The following GRM1 variants were observed in gnomAD, a reference collection of about 807,000 sequenced individuals.
GRM1 encodes the protein metabotropic glutamate receptor 1.
In GRM1, 33 loss-of-function variants were observed where a neutral mutation model predicts 90.9. The observed-to-expected ratio is 0.36, with a 90% CI of 0.28 to 0.49. The LOEUF (loss-of-function observed/expected upper bound fraction) is 0.49, where lower values mean the gene tolerates loss of function less well. Ranked by LOEUF, GRM1 falls within the 20% of genes least tolerant of loss-of-function variation. The pLI is 0.99. For missense variants in GRM1, 1,190 were observed against 1,534.3 expected (o/e 0.78, Z 3.75); for synonymous variants, 700 against 613.2 (o/e 1.14, Z -2.09).
intron 1 of GRM1, among the ~76,000 whole-genome samples, chr6:146,106,979 C>G (rs1775330905): frequency 6.6e-6 from 1 of 152,194 alleles, no homozygotes; most frequent in Non-Finnish European, 1.5e-5. Context: ...CGAACTTACT[C>G]TTCGACCTCT....
chr6:146,043,782 G>GATATATACATATAT lies in GRM1; in HGVS notation c.700+13572_700+13573insCATATATATATATA, dbSNP rs1554260502. Reference sequence around the variant, plus strand: ...ACTCTATTTTTGGAAAGAGTCAGGTGATATATATATATATATATATATATA... The same window carrying GATATATACATATAT: ...ACTCTATTTTTGGAAAGAGTCAGGTGATATATACATATATATATATATATATATATATATATATA... On this transcript the variant is annotated intron_variant, in intron 1 of 7. Transcript: ENST00000282753. Among the ~76,000 whole-genome samples the GATATATACATATAT allele has an allele frequency of 3.4e-4, 31 of 89,986 alleles. 1 individual carries two copies. Among genetic ancestry groups the GATATATACATATAT allele is most frequent in the African/African-American group, 9.5e-4 (28 of 29,480 alleles). The allele number at this position is 89,986 out of a possible 152,430, so 59.0% of individuals were successfully genotyped here.
At chr6:146,073,400 G>A (rs1776081237) in intron 1 of GRM1, among the ~76,000 whole-genome samples, 1 of 152,164 alleles carries the variant, frequency 6.6e-6, no homozygotes, top group Non-Finnish European at 1.5e-5. Context: ...GTAGTAAAAT[G>A]TGGATCTGAG....
chr6:146,230,412 A>G (rs957880844), intron 2 of GRM1, among the ~76,000 whole-genome samples: 1 of 152,198 alleles, frequency 6.6e-6, no homozygotes, highest in African/African-American at 2.4e-5. Context: ...ATATGAAAAG[A>G]TGCTTCTCAT....
At chr6:146,222,182 A>C (rs750198507) in intron 2 of GRM1, among the ~76,000 whole-genome samples, 1 of 152,152 alleles carries the variant, frequency 6.6e-6, no homozygotes, top group Non-Finnish European at 1.5e-5. Context: ...TACAATTGTA[A>C]AGACTCTTAA....
Position 146,434,811 on chromosome 6 carries a change from C to T in GRM1, c.*15C>T, listed in dbSNP as rs112751357. 3,392 of 1,586,246 alleles carry T rather than the reference C, an allele frequency of 2.1e-3. 24 individuals carry two copies. Among genetic ancestry groups the T allele is most frequent in the African/African-American group, 0.018 (1,376 of 74,766 alleles). ...CCACCCTGTAAGGGGGAAGGGTCCA[C>T]ATAGAAAAGCAAGACAAGCCAGAGA... On this transcript the variant is annotated 3_prime_UTR_variant, in exon 8 of 8. Transcript: ENST00000282753.
intron 3 of GRM1, among the ~76,000 whole-genome samples, chr6:146,333,542 T>C (rs571126791): frequency 2.0e-5 from 3 of 152,302 alleles, no homozygotes; most frequent in East Asian, 3.9e-4. Flanking sequence ...AAGTGAACGG[T>C]GGCAGAGAAA....
chr6:146,076,609 G>A (rs1776196419), intron 1 of GRM1, among the ~76,000 whole-genome samples: 1 of 152,144 alleles, frequency 6.6e-6, no homozygotes, highest in African/African-American at 2.4e-5. Flanking sequence ...GTTGCACTGA[G>A]TGATATGCAG....
At chr6:146,240,373 C>T (rs1044507222) in intron 2 of GRM1, among the ~76,000 whole-genome samples, 9 of 151,904 alleles carry the variant, frequency 5.9e-5, no homozygotes, top group South Asian at 2.1e-4. Context: ...AGGGAACCAC[C>T]GAGAAACTGT....
intron 2 of GRM1, among the ~76,000 whole-genome samples, chr6:146,194,382 A>G (rs986777459): frequency 1.3e-5 from 2 of 152,252 alleles, no homozygotes; most frequent in South Asian, 2.1e-4. Flanking sequence ...TAAGCCTTCA[A>G]ATCAATGACT....
intron 1 of GRM1, among the ~76,000 whole-genome samples, chr6:146,107,554 G>T (rs1486328243): frequency 2.0e-5 from 3 of 152,116 alleles, no homozygotes; most frequent in Non-Finnish European, 2.9e-5. Flanking sequence ...AAATGGAACT[G>T]CAGTTGTCCC....
chr6:146,384,615 A>G (rs1776434366), intron 5 of GRM1, among the ~76,000 whole-genome samples: 1 of 152,078 alleles, frequency 6.6e-6, no homozygotes, highest in African/African-American at 2.4e-5. Context: ...CTAGCCAAAA[A>G]ATTGCAGATT....
chr6:146,032,152 G>A (rs543422458), intron 1 of GRM1, among the ~76,000 whole-genome samples: 1 of 152,244 alleles, frequency 6.6e-6, no homozygotes, highest in African/African-American at 2.4e-5. Context: ...TTTTGCCCAT[G>A]TGTTAGTTTG....
In GRM1 at chr6:146,049,617, T is replaced by G. The variant is rs375964208; in HGVS notation, c.700+19400T>G. On this transcript the variant is annotated intron_variant, in intron 1 of 7. Coordinates refer to ENST00000282753, the MANE Select transcript of GRM1 (RefSeq NM_001278064.2). ...TGTGGAACTTCTCAACCTCCATAAT[T>G]GCATGAGCCAATTCCCATATGAAAC... Among the ~76,000 whole-genome samples the G allele has an allele frequency of 1.6e-3, 235 of 151,090 alleles. 1 individual carries two copies. Among genetic ancestry groups the G allele is most frequent in the African/African-American group, 5.5e-3 (225 of 41,208 alleles).
At chr6:146,331,196 C>G (rs1286467283) in intron 3 of GRM1, among the ~76,000 whole-genome samples, 1 of 152,088 alleles carries the variant, frequency 6.6e-6, no homozygotes, top group Non-Finnish European at 1.5e-5. Context: ...GAATGGATTT[C>G]CAGTCACTAT....
chr6:146,313,904 C>T (rs918460975), intron 3 of GRM1, among the ~76,000 whole-genome samples: 1 of 151,868 alleles, frequency 6.6e-6, no homozygotes, highest in Non-Finnish European at 1.5e-5. Flanking sequence ...TTTTCTGACA[C>T]TATATTTTAT....
chr6:146,327,973 A>G (rs1278191956), intron 3 of GRM1, among the ~76,000 whole-genome samples: 1 of 152,178 alleles, frequency 6.6e-6, no homozygotes, highest in Non-Finnish European at 1.5e-5. Flanking sequence ...TTCCACAGGC[A>G]AGGATGTGAG....
intron 3 of GRM1, among the ~76,000 whole-genome samples, chr6:146,346,992 T>C (rs1211529641): frequency 6.6e-6 from 1 of 152,198 alleles, no homozygotes; most frequent in Non-Finnish European, 1.5e-5. Context: ...TTCTTTTAAT[T>C]TGAAGTTAAT....
At chr6:146,088,400 A>G (rs942132019) in intron 1 of GRM1, among the ~76,000 whole-genome samples, 1 of 152,090 alleles carries the variant, frequency 6.6e-6, no homozygotes, top group Middle Eastern at 3.2e-3. Flanking sequence ...ATAATACTGA[A>G]ACACCTGATA....
chr6:146,040,419 A>C (rs1373751167), intron 1 of GRM1, among the ~76,000 whole-genome samples: 1 of 152,058 alleles, frequency 6.6e-6, no homozygotes, highest in Non-Finnish European at 1.5e-5. Flanking sequence ...TTCAGATTGA[A>C]GAACTCCCTT....
Sources: gnomAD v4.1 joint callset for allele counts (sites outside exome capture counted in the v4.1 genomes callset) on GRCh38, gnomAD v4.1.1 for gene constraint, MANE v1.5 for transcripts, NCBI Gene and HGNC (gene_info 2026-07-23, HGNC 2026-07-21) for gene names.